ASCC3: variants seen among roughly 807,000 people sequenced by gnomAD.
The protein encoded by ASCC3 is activating signal cointegrator 1 complex subunit 3.
In ASCC3, 158 loss-of-function variants were observed where a neutral mutation model predicts 256.3. The observed-to-expected ratio is 0.62, with a 90% CI of 0.54 to 0.70. The LOEUF (loss-of-function observed/expected upper bound fraction) is 0.70. ASCC3 is among the 30% of genes least tolerant of loss of function. The pLI is 0.00. For synonymous variants in ASCC3, 948 were observed against 883.4 expected (o/e 1.07, Z -1.30); for missense variants, 2,259 against 2,626.0 (o/e 0.86, Z 3.05).
rs117469849 is a variant in ASCC3 at position 100,830,283 on chromosome 6, T to A, written c.801+17865A>T. Among the ~76,000 whole-genome samples the A allele has an allele frequency of 2.3e-3, 354 of 152,120 alleles. 2 individuals carry two copies. The highest frequency in any genetic ancestry group is 3.5e-3 in the Non-Finnish European group (237 of 68,012). On this transcript the variant is annotated intron_variant, in intron 4 of 41. Transcript: ENST00000369162. ...CTAAAATTTTAACTGAGTATCTGAA[T>A]GACCAGACACAAAATGTAGCAAATG... is the stretch of plus-strand genomic sequence containing the variant.
At chr6:100,799,386 A>C in intron 7 of ASCC3, 45 bp downstream of exon 7, 1 of 1,598,442 alleles carries the variant, frequency 6.3e-7, no homozygotes, top group South Asian at 1.1e-5. Context: ...TCATTTCTTT[A>C]GAATAGACAT....
At chr6:100,604,221 TA>T (rs1280586825) in intron 33 of ASCC3, among the ~76,000 whole-genome samples, 7 of 152,118 alleles carry the variant, frequency 4.6e-5, no homozygotes, top group Non-Finnish European at 1.0e-4. Flanking sequence ...AGGTTGTTAA[TA>T]TCCTATTATT....
In ASCC3 at chr6:100,627,704, A is replaced by G. The variant is rs150557419; in HGVS notation, c.4528T>C (p.Leu1510=). The part of the protein sequence containing the change: ...ADWLNIKQMG[L]FNFRPSVRPV... ...CGTACTGATGGTCGGAAGTTAAACA[A>G]GCCCATCTAGAGTAAATATGAGAGA... Residue 1510 remains leucine (L), a synonymous_variant, in exon 29 of 42, where the codon TTG becomes CTG. Coordinates refer to ENST00000369162, the MANE Select transcript of ASCC3 (RefSeq NM_006828.4). The G allele has an allele frequency of 6.2e-7, 1 of 1,613,566 alleles. No homozygotes were observed. The highest frequency in any genetic ancestry group is 1.7e-5 in the Admixed American group (1 of 59,888).
intron 14 of ASCC3, among the ~76,000 whole-genome samples, chr6:100,673,005 C>T (rs902821560): frequency 6.6e-6 from 1 of 152,050 alleles, no homozygotes; most frequent in Non-Finnish European, 1.5e-5. Context: ...CCAGACTAGC[C>T]TAATCCCAAT....
rs1438891778 is a variant in ASCC3 at position 100,848,684 on chromosome 6, C to T, written c.265G>A (p.Ala89Thr). The T allele has an allele frequency of 1.2e-6, 2 of 1,612,942 alleles. No individual in the cohort carries two copies. The highest frequency in any genetic ancestry group is 1.3e-5 in the African/African-American group (1 of 74,906). The change falls in exon 4 of 42, where the codon GCA (alanine) becomes ACA (threonine). Residue 89 changes from alanine (A) to threonine (T), a missense_variant. Ala to Thr is a moderately conservative substitution (Grantham distance 58). Transcript: ENST00000369162. The stretch of plus-strand genomic sequence containing the variant: ...AGAAATGCAGCCCCACTTTCAATTG[C>T]TTCTCTCCCATTATCAGTTCCAACT... Reference protein sequence around the residue: ...QIVGTDNGREAIESGAAFLFM... With the variant: ...QIVGTDNGRETIESGAAFLFM...
In ASCC3 at chr6:100,647,394, T is replaced by C; in HGVS notation, c.3310A>G (p.Thr1104Ala). 2 of 1,614,070 alleles carry C rather than the reference T, an allele frequency of 1.2e-6. No individual in the cohort carries two copies. Among genetic ancestry groups the C allele is most frequent in the Non-Finnish European group, 1.7e-6 (2 of 1,179,974 alleles). The change falls in exon 21 of 42, where the codon ACC becomes GCC. Residue 1104 changes from threonine (T) to alanine (A), a missense_variant. Transcript: ENST00000369162. The part of the protein sequence containing the change: ...FEIALRKRWP[T>A]MTYRLLNLSK... Reference sequence around the variant, plus strand: ...AGATTCAGGAGCCTGTAGGTCATGGTAGGCCAACGTTTCCTCAGAGCAATT... The same window carrying C: ...AGATTCAGGAGCCTGTAGGTCATGGCAGGCCAACGTTTCCTCAGAGCAATT...
chr6:100,589,680 C>A lies in ASCC3; in HGVS notation c.5504G>T (p.Arg1835Leu), dbSNP rs375679348. ...KHQTVKMFKD[R>L]LKPECSTEEL... ...TTCAGTACTGCATTCAGGCTTCAAGCGGTCCTTGAACATTTTAACTGTTTG... is the reference window on the plus strand; with the variant it reads ...TTCAGTACTGCATTCAGGCTTCAAGAGGTCCTTGAACATTTTAACTGTTTG... The change falls in exon 36 of 42, where the codon CGC (arginine) becomes CTC (leucine). Residue 1835 changes from arginine (R) to leucine (L), a missense_variant. By Grantham distance (102) the Arg-to-Leu change is moderately radical. Around this residue, in one of 2 missense-constraint regions of ASCC3, gnomAD observed 1,839 missense variants for 2,206.7 expected, o/e 0.83. Coordinates refer to ENST00000369162, the MANE Select transcript of ASCC3 (RefSeq NM_006828.4). The A allele has an allele frequency of 2.5e-6, 4 of 1,613,596 alleles. No homozygotes were observed. The highest frequency in any genetic ancestry group is 2.2e-5 in the South Asian group (2 of 91,066).
intron 3 of ASCC3, among the ~76,000 whole-genome samples, chr6:100,863,253 G>C (rs1217352059): frequency 6.6e-6 from 1 of 152,132 alleles, no homozygotes; most frequent in East Asian, 1.9e-4. Context: ...CCTTAGGAAA[G>C]TAACCTGAGT....
At chr6:100,661,599 T>C (rs540113395) in intron 16 of ASCC3, among the ~76,000 whole-genome samples, 1 of 152,046 alleles carries the variant, frequency 6.6e-6, no homozygotes, top group East Asian at 1.9e-4. Flanking sequence ...AGTATGGTCT[T>C]TTAACAATAG....
At chr6:100,675,125 C>T (rs186856398) in intron 14 of ASCC3, among the ~76,000 whole-genome samples, 1 of 121,320 alleles carries the variant, frequency 8.2e-6, no homozygotes, top group African/African-American at 3.2e-5. Context: ...ATTAAGCAAA[C>T]AGTTGTTTTT....
chr6:100,855,580 G>A (rs757516816), intron 3 of ASCC3, among the ~76,000 whole-genome samples: 1 of 152,128 alleles, frequency 6.6e-6, no homozygotes, highest in Non-Finnish European at 1.5e-5. Context: ...CTCTGTCTTT[G>A]AAACATTCAA....
intron 4 of ASCC3, among the ~76,000 whole-genome samples, chr6:100,816,842 C>G (rs1446607748): frequency 6.6e-6 from 1 of 151,880 alleles, no homozygotes; most frequent in Non-Finnish European, 1.5e-5. Flanking sequence ...ATCCGTACAA[C>G]AAACCCACAT....
chr6:100,679,432 G>A (rs1382608843), intron 14 of ASCC3, among the ~76,000 whole-genome samples, 186 bp downstream of exon 14: 2 of 152,112 alleles, frequency 1.3e-5, no homozygotes, highest in East Asian at 3.9e-4. Context: ...GGAATGATAA[G>A]TGTTATGTCA....
At chr6:100,666,480 T>C (rs1284689695) in intron 14 of ASCC3, among the ~76,000 whole-genome samples, 1 of 152,178 alleles carries the variant, frequency 6.6e-6, no homozygotes, top group African/African-American at 2.4e-5. Flanking sequence ...CTTGCCAGCT[T>C]CCCATACATT....
At chr6:100,833,383 T>C (rs199901875) in intron 4 of ASCC3, among the ~76,000 whole-genome samples, 24 of 152,314 alleles carry the variant, frequency 1.6e-4, no homozygotes, top group East Asian at 1.2e-3. Context: ...GGTAGATACA[T>C]ACCAGTATAC....
intron 30 of ASCC3, among the ~76,000 whole-genome samples, chr6:100,616,643 AT>A (rs1323384087): frequency 6.6e-6 from 1 of 152,008 alleles, no homozygotes; most frequent in African/African-American, 2.4e-5. Flanking sequence ...CCTGCTTCAG[AT>A]TTTTTCCCCC....
intron 36 of ASCC3, among the ~76,000 whole-genome samples, chr6:100,557,050 G>A (rs1381626352): frequency 6.6e-6 from 1 of 152,134 alleles, no homozygotes; most frequent in Non-Finnish European, 1.5e-5. Context: ...CAAGATTTTA[G>A]ACATGTTGAG....
intron 29 of ASCC3, among the ~76,000 whole-genome samples, chr6:100,626,669 T>C (rs984086318): frequency 1.3e-5 from 2 of 152,130 alleles, no homozygotes; most frequent in African/African-American, 4.8e-5. Flanking sequence ...CTCACCCTTT[T>C]ATTGTTTATC....
intron 34 of ASCC3, among the ~76,000 whole-genome samples, chr6:100,593,735 T>A (rs76607465): frequency 0.015 from 2,322 of 152,148 alleles, 46 homozygotes; most frequent in African/African-American, 0.053. Context: ...TATGCAGCAA[T>A]AACAATGACA....
Sources: allele counts gnomAD v4.1 joint callset (sites outside exome capture counted in the v4.1 genomes callset), GRCh38; gene constraint gnomAD v4.1.1; regional missense constraint gnomAD v4.1.1; transcripts MANE v1.5; gene names NCBI Gene and HGNC (gene_info 2026-07-23, HGNC 2026-07-21).